ATG7: variants seen among roughly 807,000 people sequenced by gnomAD.
ATG7 encodes ubiquitin-like modifier-activating enzyme ATG7.
A neutral mutation model predicts 82.4 loss-of-function variants in ATG7; 70 were observed. The ratio of observed to expected loss-of-function variants is 0.85; its 90% CI spans 0.70 to 1.04. ATG7 has a LOEUF of 1.04. Ranked by LOEUF, ATG7 falls within the 50% of genes least tolerant of loss-of-function variation. The probability of loss-of-function intolerance (pLI) is 0.00; values close to 1 mark genes in which losing one functional copy is unlikely to be tolerated. For synonymous variants in ATG7, 287 were observed against 313.0 expected (o/e 0.92, Z 0.88); for missense variants, 792 against 864.3 (o/e 0.92, Z 1.05).
At chr3:11,277,592 G>C (rs1238970184) in intron 1 of ATG7, among the ~76,000 whole-genome samples, 1 of 152,236 alleles carries the variant, frequency 6.6e-6, no homozygotes, top group Non-Finnish European at 1.5e-5. Flanking sequence ...TTCAAAAGGG[G>C]AGGGGGTGTG....
At chr3:11,426,384 T>C (rs889870043) in intron 19 of ATG7, among the ~76,000 whole-genome samples, 3 of 152,220 alleles carry the variant, frequency 2.0e-5, no homozygotes, top group African/African-American at 7.2e-5. Context: ...TTTTTAAAAA[T>C]ATATTTGGCT....
chr3:11,350,310 C>G (rs2075440348), intron 14 of ATG7, among the ~76,000 whole-genome samples: 1 of 152,176 alleles, frequency 6.6e-6, no homozygotes, highest in South Asian at 2.1e-4. Flanking sequence ...ATTGAGGAGG[C>G]ATATTAGTTA....
chr3:11,431,166 C>T (rs1167574145), intron 20 of ATG7, among the ~76,000 whole-genome samples: 1 of 152,172 alleles, frequency 6.6e-6, no homozygotes, highest in Non-Finnish European at 1.5e-5. Flanking sequence ...TTTTGGGAGG[C>T]CGAGGTGGGT....
chr3:11,524,949 G>A (rs115644551), intron 20 of ATG7, among the ~76,000 whole-genome samples: 2,875 of 152,232 alleles, frequency 0.019, 33 homozygotes, highest in Middle Eastern at 0.037. Context: ...AACAAACCTC[G>A]TATATTCTAT....
intron 9 of ATG7, among the ~76,000 whole-genome samples, chr3:11,316,314 G>A (rs551670531): frequency 5.3e-5 from 8 of 152,188 alleles, no homozygotes; most frequent in African/African-American, 1.9e-4. Flanking sequence ...ATAAAGCATT[G>A]CTCCAGCTAA....
At chr3:11,450,013 G>C (rs1465886268) in intron 20 of ATG7, among the ~76,000 whole-genome samples, 1 of 152,180 alleles carries the variant, frequency 6.6e-6, no homozygotes, top group Non-Finnish European at 1.5e-5. Context: ...GAGTCCTGGG[G>C]GAGCTCCCTT....
intron 14 of ATG7, among the ~76,000 whole-genome samples, chr3:11,350,779 C>G (rs1395670528): frequency 1.3e-5 from 2 of 151,778 alleles, no homozygotes; most frequent in Non-Finnish European, 2.9e-5. Context: ...GAGGAGGTGC[C>G]TAATTGGGAA....
intron 20 of ATG7, among the ~76,000 whole-genome samples, chr3:11,481,784 C>T (rs1257663767): frequency 6.6e-6 from 1 of 152,152 alleles, no homozygotes; most frequent in East Asian, 1.9e-4. Context: ...CCTGCCTCTG[C>T]CTTTGAGTAG....
In ATG7 at chr3:11,443,786, TC is replaced by T. The variant is rs540151118; in HGVS notation, c.2079+16867del. On this transcript the variant is annotated intron_variant, in intron 20 of 20. Coordinates refer to ENST00000693202, the MANE Select transcript of ATG7 (RefSeq NM_001349232.2). Reference sequence around the variant, plus strand: ...TAAAGTGACAAAGATCAAGAAAATTTCCCCCCCTGCTTTTTTCTCTTATATT... The same window carrying T: ...TAAAGTGACAAAGATCAAGAAAATTTCCCCCCTGCTTTTTTCTCTTATATT... Among the ~76,000 whole-genome samples the T allele has an allele frequency of 8.9e-4, 135 of 152,126 alleles. No individual in the cohort carries two copies. The South Asian group carries it at 0.01, about 11-fold the overall frequency.
chr3:11,530,514 A>G (rs1032460848), intron 20 of ATG7, among the ~76,000 whole-genome samples: 2 of 152,146 alleles, frequency 1.3e-5, no homozygotes, highest in African/African-American at 4.8e-5. Context: ...GCAAAGATAA[A>G]TACAAGAAAA....
intron 20 of ATG7, among the ~76,000 whole-genome samples, chr3:11,455,277 A>G (rs1204278746): frequency 6.6e-6 from 1 of 152,236 alleles, no homozygotes; most frequent in Non-Finnish European, 1.5e-5. Flanking sequence ...GTAAAGTCCT[A>G]AAATTTCTCA....
At chr3:11,452,858 T>G (rs1199509443) in intron 20 of ATG7, among the ~76,000 whole-genome samples, 1 of 152,156 alleles carries the variant, frequency 6.6e-6, no homozygotes, top group African/African-American at 2.4e-5. Context: ...AAGTAACACC[T>G]CCATGTTACC....
At chr3:11,565,067 G>A in the ATG7 span, 1 of 1,446,216 alleles carries the variant, frequency 6.9e-7, no homozygotes, top group Admixed American at 2.7e-5. The surrounding 1 kb of genome is among the most constrained non-coding windows in gnomAD (Gnocchi z 4.1). Flanking sequence ...CAAAGGCAAA[G>A]GGGACAGTGA....
chr3:11,439,332 G>T lies in ATG7; in HGVS notation c.2079+12406G>T, dbSNP rs541834100. On this transcript the variant is annotated intron_variant, in intron 20 of 20. Transcript: ENST00000693202. ...GATCTGCCCGTCTCAGCCTCAGAAA[G>T]TGCTGGGATTACAGGTGTGAGCCAC... is the stretch of plus-strand genomic sequence containing the variant. Among the ~76,000 whole-genome samples, 3 of 152,246 alleles carry T rather than the reference G, an allele frequency of 2.0e-5. No individual in the cohort carries two copies. The East Asian group carries it at 5.8e-4, about 29-fold the overall frequency.
chr3:11,391,123 C>A (rs1232961423), intron 19 of ATG7, among the ~76,000 whole-genome samples: 1 of 152,152 alleles, frequency 6.6e-6, no homozygotes, highest in African/African-American at 2.4e-5. Context: ...TGAATATACT[C>A]ATTTTTGTCA....
chr3:11,307,195 A>G (rs1575327759), intron 6 of ATG7, 135 bp downstream of exon 6: 1 of 814,026 alleles, frequency 1.2e-6, no homozygotes, highest in South Asian at 1.6e-5. Flanking sequence ...GGGCTTTGGT[A>G]TATTTCTCCA....
rs1469929539 is a variant in ATG7 at position 11,557,637 on chromosome 3, T to C, written c.*2794T>C. On this transcript the variant is annotated 3_prime_UTR_variant, in exon 21 of 21. Coordinates refer to ENST00000693202, the MANE Select transcript of ATG7 (RefSeq NM_001349232.2). ...CAGTAAGTATATCTAGGACTGTAACTGACAAAAATAAACTAATTCTGAAAA... is the reference window on the plus strand; with the variant it reads ...CAGTAAGTATATCTAGGACTGTAACCGACAAAAATAAACTAATTCTGAAAA... 6.5e-6 allele frequency: 1 copy of C among 152,764 alleles called. No individual in the cohort carries two copies. Among genetic ancestry groups the C allele is most frequent in the African/African-American group, 2.4e-5 (1 of 41,474 alleles). 9.5% of individuals were successfully genotyped at this position (152,764 alleles called of 1,614,324 possible).
At chr3:11,320,512 T>C (rs1345531154) in intron 9 of ATG7, among the ~76,000 whole-genome samples, 4 of 152,198 alleles carry the variant, frequency 2.6e-5, no homozygotes, top group African/African-American at 9.7e-5. Flanking sequence ...AGTCTCGTAC[T>C]CCTGACCTCA....
chr3:11,286,579 C>CTTT (rs1944057448), intron 3 of ATG7, among the ~76,000 whole-genome samples: 1 of 62,370 alleles, frequency 1.6e-5, no homozygotes, highest in African/African-American at 5.3e-5. Context: ...TTCTTTCTTT[C>CTTT]TTTCTTTTTT....
Sources: gnomAD v4.1 joint callset for allele counts (sites outside exome capture counted in the v4.1 genomes callset) on GRCh38, gnomAD v4.1.1 for gene constraint, Gnocchi (gnomAD v3.1) non-coding constraint, MANE v1.5 for transcripts, NCBI Gene and HGNC (gene_info 2026-07-23, HGNC 2026-07-21) for gene names.